ZNF362: variants seen among roughly 807,000 people sequenced by gnomAD.
The protein encoded by ZNF362 is rotund homolog.
ZNF362 carries 11 observed loss-of-function variants against 42.9 expected under a neutral mutation model. The observed-to-expected ratio is 0.26, with a 90% confidence interval of 0.16 to 0.42. The LOEUF (loss-of-function observed/expected upper bound fraction) is 0.42. Among genes scored for constraint, ZNF362 ranks in the 20% least tolerant of loss-of-function variants. The probability of loss-of-function intolerance (pLI) is 1.00; values close to 1 mark genes in which losing one functional copy is unlikely to be tolerated. For missense variants in ZNF362, 362 were observed against 576.2 expected, an observed-to-expected ratio of 0.63 and a Z score of 3.81; for synonymous variants, 255 against 257.3, an observed-to-expected ratio of 0.99 and a Z score of 0.09.
the ZNF362 span, among the ~76,000 whole-genome samples, chr1:33,245,525 T>C: frequency 6.6e-6 from 1 of 152,132 alleles, no homozygotes; most frequent in Non-Finnish European, 1.5e-5. Flanking sequence ...CCTTATTTGG[T>C]AAAAGGATTT....
At chr1:33,165,922 A>G in the ZNF362 span, 1 of 173,564 alleles carries the variant, frequency 5.8e-6, no homozygotes, top group African/African-American at 2.4e-5. The surrounding 1 kb of genome is among the most constrained non-coding windows in gnomAD (Gnocchi z 4.0). Context: ...ACAGGTGGGT[A>G]TTGGTCCATA....
At chr1:33,165,512 C>T in the ZNF362 span, 7 of 1,610,414 alleles carry the variant, frequency 4.3e-6, no homozygotes, top group East Asian at 2.2e-5. The surrounding 1 kb of genome is among the most constrained non-coding windows in gnomAD (Gnocchi z 4.0). Context: ...TGCAGCGCTT[C>T]GGTGTGTTCC....
At chr1:33,130,372 C>T in the ZNF362 span, among the ~76,000 whole-genome samples, 1 of 152,202 alleles carries the variant, frequency 6.6e-6, no homozygotes, top group African/African-American at 2.4e-5. Flanking sequence ...TACAAAAACT[C>T]CCTGTGGCTT....
the ZNF362 span, among the ~76,000 whole-genome samples, chr1:33,236,321 G>A: frequency 6.6e-6 from 1 of 150,794 alleles, no homozygotes; most frequent in Admixed American, 6.6e-5. Flanking sequence ...GGGAAGATCG[G>A]TTGAGGCCAG....
Position 33,266,220 on chromosome 1 carries a change from A to G in ZNF362, c.-88-4267A>G, listed in dbSNP as rs1350365751. On this transcript the variant is annotated intron_variant, in intron 1 of 8. Transcript: ENST00000539719. This position sits in a 1 kb window ranked among gnomAD's most constrained non-coding sequence, Gnocchi z 4.3. ...GTTAACAGTTTTCCAGCTTCTGCAC[A>G]TGCTGCCCTTCTGCCGCAGTGGCTC... Among the ~76,000 whole-genome samples, 1 of 152,152 alleles carries G rather than the reference A, an allele frequency of 6.6e-6. No individual in the cohort carries two copies. Among genetic ancestry groups the G allele is most frequent in the Non-Finnish European group, 1.5e-5 (1 of 68,026 alleles).
the ZNF362 span, among the ~76,000 whole-genome samples, chr1:33,243,761 CA>C: frequency 4.1e-4 from 61 of 147,862 alleles, no homozygotes; most frequent in Non-Finnish European, 7.6e-4. Flanking sequence ...TACAACTGGC[CA>C]ATTTTTTTTT....
At chr1:33,233,980 A>C in the ZNF362 span, among the ~76,000 whole-genome samples, 1 of 152,252 alleles carries the variant, frequency 6.6e-6, no homozygotes, top group Non-Finnish European at 1.5e-5. Context: ...GCATGTAAAC[A>C]CTTAGGATGA....
chr1:33,183,769 C>G, the ZNF362 span, among the ~76,000 whole-genome samples: 1 of 152,196 alleles, frequency 6.6e-6, no homozygotes, highest in Non-Finnish European at 1.5e-5. Context: ...TTGCAACAGC[C>G]ATCTTGCTCC....
At chr1:33,165,882 A>C in the ZNF362 span, 1 of 215,670 alleles carries the variant, frequency 4.6e-6, no homozygotes, top group Non-Finnish European at 9.2e-6. The surrounding 1 kb of genome is among the most constrained non-coding windows in gnomAD (Gnocchi z 4.0). Context: ...CCCGCTTAGA[A>C]TTAAGGCAGG....
chr1:33,249,566 C>A, the ZNF362 span, among the ~76,000 whole-genome samples: 2 of 152,084 alleles, frequency 1.3e-5, no homozygotes, highest in Admixed American at 1.3e-4. Context: ...CCCCACTCCC[C>A]CAAGAAAGTG....
chr1:33,192,011 A>G, the ZNF362 span, among the ~76,000 whole-genome samples: 1 of 152,194 alleles, frequency 6.6e-6, no homozygotes, highest in Non-Finnish European at 1.5e-5. Flanking sequence ...CGGGAGTGGG[A>G]CACTTCTACT....
the ZNF362 span, among the ~76,000 whole-genome samples, chr1:33,225,338 C>G: frequency 7.1e-4 from 108 of 152,262 alleles, no homozygotes; most frequent in African/African-American, 2.5e-3. Flanking sequence ...TTATTACCTT[C>G]TGACATATTA....
the ZNF362 span, chr1:33,158,388 G>C: frequency 4.4e-6 from 7 of 1,607,218 alleles, no homozygotes. Flanking sequence ...GAGCAGGAAA[G>C]GGGGCTGCAC....
chr1:33,205,765 A>G, the ZNF362 span, among the ~76,000 whole-genome samples: 4 of 152,068 alleles, frequency 2.6e-5, no homozygotes, highest in African/African-American at 4.8e-5. Flanking sequence ...AATACAAAAA[A>G]ATTAGCCAGA....
intron 1 of ZNF362, among the ~76,000 whole-genome samples, chr1:33,268,888 A>G (rs1241447405): frequency 2.0e-5 from 3 of 152,186 alleles, no homozygotes; most frequent in African/African-American, 7.2e-5. Context: ...ATTTTATTAA[A>G]ATCACAGTGA....
chr1:33,147,061 A>G, the ZNF362 span: 22 of 1,115,740 alleles, frequency 2.0e-5, no homozygotes, highest in East Asian at 5.1e-4. This position sits in a 1 kb window ranked among gnomAD's most constrained non-coding sequence, Gnocchi z 8.1. Flanking sequence ...AGGGTAAACA[A>G]CTGGCCTGAG....
the ZNF362 span, among the ~76,000 whole-genome samples, chr1:33,239,015 C>T: frequency 4.6e-5 from 7 of 152,142 alleles, no homozygotes; most frequent in African/African-American, 9.7e-5. Context: ...AGTGGTTTCC[C>T]AGAAGGTGCT....
chr1:33,284,131 T>G (rs916321904), intron 6 of ZNF362, among the ~76,000 whole-genome samples: 1 of 152,220 alleles, frequency 6.6e-6, no homozygotes, highest in African/African-American at 2.4e-5. Flanking sequence ...TACCCTTTTT[T>G]TGGAGAATCT....
At chr1:33,170,049 C>CATT in the ZNF362 span, among the ~76,000 whole-genome samples, 1 of 152,186 alleles carries the variant, frequency 6.6e-6, no homozygotes, top group Non-Finnish European at 1.5e-5. Context: ...CTAGGCCGGG[C>CATT]ACAGTGGCTC....
Sources: allele counts gnomAD v4.1 joint callset (sites outside exome capture counted in the v4.1 genomes callset), GRCh38; gene constraint gnomAD v4.1.1; non-coding constraint Gnocchi (gnomAD v3.1); transcripts MANE v1.5; gene names NCBI Gene and HGNC (gene_info 2026-07-23, HGNC 2026-07-21).